Variants in VPS41 observed in about 807,000 individuals in gnomAD.
The protein encoded by VPS41 is vacuolar protein sorting-associated protein 41 homolog.
A neutral mutation model predicts 130.9 loss-of-function variants in VPS41; 85 were observed. The ratio of observed to expected loss-of-function variants is 0.65; its 90% CI spans 0.55 to 0.78. The LOEUF (loss-of-function observed/expected upper bound fraction) is 0.78, where lower values mean the gene tolerates loss of function less well. Among genes scored for constraint, VPS41 ranks in the 30% least tolerant of loss-of-function variants. The pLI is 0.00. For synonymous variants in VPS41, 335 were observed against 332.9 expected, an observed-to-expected ratio of 1.01 and a Z score of -0.07; for missense variants, 874 against 1,018.7, an observed-to-expected ratio of 0.86 and a Z score of 1.93.
At chr7:38,807,285 A>G (rs1033544515) in intron 7 of VPS41, among the ~76,000 whole-genome samples, 1 of 152,214 alleles carries the variant, frequency 6.6e-6, no homozygotes. Flanking sequence ...CTTTGGCCGC[A>G]GGGCACTGAC....
At chr7:38,860,695 GTT>G (rs1554296412) in intron 4 of VPS41, among the ~76,000 whole-genome samples, 2 of 115,944 alleles carry the variant, frequency 1.7e-5, no homozygotes, top group South Asian at 3.0e-4. Context: ...TTAACAATCT[GTT>G]TGTGTGTGTG....
chr7:38,767,280 T>C (rs556698662), intron 15 of VPS41, among the ~76,000 whole-genome samples: 1 of 152,276 alleles, frequency 6.6e-6, no homozygotes, highest in South Asian at 2.1e-4. Flanking sequence ...CTTGATACCT[T>C]TCTCATTAAT....
At chr7:38,848,442 T>C (rs955574452) in intron 4 of VPS41, among the ~76,000 whole-genome samples, 3 of 152,164 alleles carry the variant, frequency 2.0e-5, no homozygotes, top group East Asian at 3.8e-4. Flanking sequence ...TCAGTTTGCC[T>C]ACCCCATATA....
intron 4 of VPS41, among the ~76,000 whole-genome samples, chr7:38,849,918 C>T (rs552742038): frequency 4.5e-5 from 6 of 131,988 alleles, no homozygotes; most frequent in Non-Finnish European, 8.2e-5. Flanking sequence ...TCCTTGCCCC[C>T]CTTCCATATC....
At chr7:38,854,630 G>A (rs528801991) in intron 4 of VPS41, among the ~76,000 whole-genome samples, 42 of 152,252 alleles carry the variant, frequency 2.8e-4, no homozygotes, top group African/African-American at 9.9e-4. Context: ...TGATTATCTG[G>A]AAAATAGTCT....
chr7:38,825,004 A>C (rs1785242728), intron 5 of VPS41, among the ~76,000 whole-genome samples: 1 of 152,236 alleles, frequency 6.6e-6, no homozygotes, highest in Non-Finnish European at 1.5e-5. Flanking sequence ...TTAAAAATGC[A>C]TATTGAAGGC....
chr7:38,764,938 A>G (rs553628208), intron 16 of VPS41, among the ~76,000 whole-genome samples: 2 of 152,268 alleles, frequency 1.3e-5, no homozygotes, highest in Admixed American at 6.5e-5. Flanking sequence ...AATAAACCCA[A>G]TGAGAAGTGT....
chr7:38,751,530 T>C (rs1783672587), intron 22 of VPS41, among the ~76,000 whole-genome samples: 1 of 152,228 alleles, frequency 6.6e-6, no homozygotes, highest in Non-Finnish European at 1.5e-5. Flanking sequence ...GTATATAATT[T>C]ATTCATTCAT....
intron 2 of VPS41, among the ~76,000 whole-genome samples, chr7:38,870,158 G>A (rs1277614245): frequency 6.6e-6 from 1 of 152,112 alleles, no homozygotes. Flanking sequence ...TGGCACTTGC[G>A]GGGATGGAGT....
At chr7:38,870,160 G>T (rs1024196152) in intron 2 of VPS41, among the ~76,000 whole-genome samples, 22 of 152,148 alleles carry the variant, frequency 1.4e-4, no homozygotes, top group African/African-American at 5.3e-4. Context: ...GCACTTGCGG[G>T]GATGGAGTGA....
chr7:38,773,972 C>T, intron 12 of VPS41, 143 bp downstream of exon 12: 1 of 768,610 alleles, frequency 1.3e-6, no homozygotes, highest in Non-Finnish European at 1.9e-6. Flanking sequence ...TCCAAATGTC[C>T]TTGTTTTCAG....
chr7:38,825,072 C>T (rs1299641155), intron 5 of VPS41, among the ~76,000 whole-genome samples: 1 of 152,152 alleles, frequency 6.6e-6, no homozygotes, highest in African/African-American at 2.4e-5. Flanking sequence ...CAAACAAGTT[C>T]ATAGTAAACA....
chr7:38,856,338 A>G (rs539970037), intron 4 of VPS41, among the ~76,000 whole-genome samples: 2 of 152,178 alleles, frequency 1.3e-5, no homozygotes, highest in Non-Finnish European at 2.9e-5. Flanking sequence ...CAAGTCCCCA[A>G]TTCTAAATAC....
chr7:38,811,890 T>A (rs1784950202), intron 7 of VPS41, among the ~76,000 whole-genome samples: 1 of 152,082 alleles, frequency 6.6e-6, no homozygotes, highest in Non-Finnish European at 1.5e-5. Flanking sequence ...AATGATTAAA[T>A]TTTTCACTTT....
chr7:38,889,013 G>A (rs528844728), intron 2 of VPS41, among the ~76,000 whole-genome samples: 111 of 152,028 alleles, frequency 7.3e-4, no homozygotes, highest in African/African-American at 2.6e-3. Flanking sequence ...GTAGGTGACA[G>A]GTTGATGGGT....
intron 3 of VPS41, among the ~76,000 whole-genome samples, chr7:38,866,521 A>G (rs561045485): frequency 6.6e-6 from 1 of 152,206 alleles, no homozygotes; most frequent in Non-Finnish European, 1.5e-5. Context: ...ATGCCACCAA[A>G]TGGGATAAAG....
intron 16 of VPS41, among the ~76,000 whole-genome samples, chr7:38,764,608 G>T (rs540398244): frequency 6.6e-6 from 1 of 151,598 alleles, no homozygotes; most frequent in African/African-American, 2.4e-5. Context: ...GAAGAGCCCC[G>T]ATTGGTATTG....
intron 1 of VPS41, among the ~76,000 whole-genome samples, chr7:38,903,406 C>T (rs1402105308): frequency 1.3e-5 from 2 of 152,112 alleles, no homozygotes; most frequent in East Asian, 3.9e-4. Flanking sequence ...TGTAAGTGCC[C>T]ACATACTGTT....
In VPS41 at chr7:38,726,318, A is replaced by G. The variant is rs146769995; in HGVS notation, c.2493T>C (p.Ala831=). Residue 831 remains alanine (A), a synonymous_variant, in exon 29 of 29, where the codon GCT becomes GCC. Coordinates refer to ENST00000310301, the MANE Select transcript of VPS41 (RefSeq NM_014396.4). ...ECLPMPSMNS[A]AQFCNICSAK... Reference sequence around the variant, plus strand: ...CACTGCAGATGTTGCAGAACTGTGCAGCAGAGTTCTAAAAATGCAATTTAA... The same window carrying G: ...CACTGCAGATGTTGCAGAACTGTGCGGCAGAGTTCTAAAAATGCAATTTAA... The G allele has an allele frequency of 6.2e-7, 1 of 1,612,244 alleles. No individual in the cohort carries two copies. The highest frequency in any genetic ancestry group is 8.5e-7 in the Non-Finnish European group (1 of 1,178,852).
Sources: allele counts gnomAD v4.1 joint callset (sites outside exome capture counted in the v4.1 genomes callset), GRCh38; gene constraint gnomAD v4.1.1; transcripts MANE v1.5; gene names NCBI Gene and HGNC (gene_info 2026-07-23, HGNC 2026-07-21).